LINGO2: variants seen among roughly 807,000 people sequenced by gnomAD.
LINGO2 encodes the protein leucine rich repeat and Ig domain containing 2.
In LINGO2, 14 loss-of-function variants were observed where a neutral mutation model predicts 30.6. That is an observed-to-expected ratio of 0.46 (90% confidence interval 0.30 to 0.72). The LOEUF is 0.72. Ranked by LOEUF, LINGO2 falls within the 30% of genes least tolerant of loss-of-function variation. The probability of loss-of-function intolerance (pLI) is 0.07; values close to 1 mark genes in which losing one functional copy is unlikely to be tolerated. For synonymous variants in LINGO2, 317 were observed against 288.5 expected, an observed-to-expected ratio of 1.10 and a Z score of -1.00; for missense variants, 729 against 751.7, an observed-to-expected ratio of 0.97 and a Z score of 0.35.
At chr9:28,558,742 A>T (rs919100232) in intron 1 of LINGO2, among the ~76,000 whole-genome samples, 12 of 152,194 alleles carry the variant, frequency 7.9e-5, no homozygotes, top group African/African-American at 2.9e-4. Flanking sequence ...AGAAAGAAAG[A>T]AAAAAGCTGA....
At chr9:28,493,878 G>C (rs1357168037) in intron 1 of LINGO2, among the ~76,000 whole-genome samples, 1 of 152,166 alleles carries the variant, frequency 6.6e-6, no homozygotes, top group Non-Finnish European at 1.5e-5. Context: ...AGTGCTGGAA[G>C]CTTCCTGCCA....
chr9:28,539,640 A>G (rs111558711), intron 1 of LINGO2, among the ~76,000 whole-genome samples: 4 of 152,322 alleles, frequency 2.6e-5, no homozygotes, highest in African/African-American at 9.6e-5. Flanking sequence ...ACTCATACCA[A>G]TAACACTGTT....
intron 1 of LINGO2, among the ~76,000 whole-genome samples, chr9:28,532,440 C>CT (rs929288494): frequency 1.6e-4 from 24 of 148,838 alleles, no homozygotes; most frequent in South Asian, 2.1e-4. Flanking sequence ...TCTAAACCGA[C>CT]TTTTTTTTTT....
At chr9:28,467,165 A>G (rs919799449) in intron 2 of LINGO2, among the ~76,000 whole-genome samples, 3 of 151,982 alleles carry the variant, frequency 2.0e-5, no homozygotes, top group African/African-American at 7.3e-5. Context: ...AGCTGGGATT[A>G]CAGGTACCCA....
chr9:28,048,847 T>G (rs938566136), intron 4 of LINGO2, among the ~76,000 whole-genome samples: 1 of 150,708 alleles, frequency 6.6e-6, no homozygotes, highest in Admixed American at 6.7e-5. Flanking sequence ...TATGTAACTA[T>G]ATATATATGT....
In LINGO2 at chr9:28,371,406, T is replaced by C. The variant is rs541004404; in HGVS notation, c.-246+1430A>G. On this transcript the variant is annotated intron_variant, in intron 3 of 5. Transcript: ENST00000379992. Reference sequence around the variant, plus strand: ...TCAAGGTACAGGCAGGAGTACTGTATGTTGAAAGCCTGCTTCCTTAGAGAC... The same window carrying C: ...TCAAGGTACAGGCAGGAGTACTGTACGTTGAAAGCCTGCTTCCTTAGAGAC... Among the ~76,000 whole-genome samples, 4 of 152,310 alleles carry C rather than the reference T, an allele frequency of 2.6e-5. No individual in the cohort carries two copies. The South Asian group carries it at 8.3e-4, about 32-fold the overall frequency.
chr9:28,339,604 C>T (rs1825701306), intron 3 of LINGO2, among the ~76,000 whole-genome samples: 1 of 151,904 alleles, frequency 6.6e-6, no homozygotes, highest in African/African-American at 2.4e-5. Flanking sequence ...TAAATTAGGC[C>T]CACTAAATAG....
chr9:29,138,897 C>A, the LINGO2 span, among the ~76,000 whole-genome samples: 2 of 152,120 alleles, frequency 1.3e-5, no homozygotes, highest in African/African-American at 4.8e-5. Context: ...TATTAATACC[C>A]TTGAATAATC....
chr9:28,907,735 G>C, the LINGO2 span, among the ~76,000 whole-genome samples: 1 of 151,690 alleles, frequency 6.6e-6, no homozygotes, highest in South Asian at 2.1e-4. Context: ...TGAATGTACA[G>C]AAAATGAAGC....
At chr9:28,384,762 C>G (rs949429621) in intron 2 of LINGO2, among the ~76,000 whole-genome samples, 1 of 151,970 alleles carries the variant, frequency 6.6e-6, no homozygotes, top group African/African-American at 2.4e-5. Flanking sequence ...ATTTTCTCAT[C>G]TAGATACTTG....
Position 28,350,388 on chromosome 9 carries a change from C to G in LINGO2, c.-246+22448G>C, listed in dbSNP as rs564112054. On this transcript the variant is annotated intron_variant, in intron 3 of 5. Transcript: ENST00000379992. ...AAACAGACTTTAAAGCAACAAAGAT[C>G]AAAAGAGACAAAGAAGGCCATTACA... Among the ~76,000 whole-genome samples, 288 of 148,666 alleles carry G rather than the reference C, an allele frequency of 1.9e-3. 1 individual carries two copies. Among genetic ancestry groups the G allele is most frequent in the South Asian group, 4.9e-3 (22 of 4,522 alleles).
the LINGO2 span, among the ~76,000 whole-genome samples, chr9:29,111,182 G>T: frequency 6.6e-6 from 1 of 152,020 alleles, no homozygotes; most frequent in South Asian, 2.1e-4. Context: ...TTCAAAAATA[G>T]AATGCATTTA....
At chr9:28,752,485 A>C in the LINGO2 span, among the ~76,000 whole-genome samples, 4 of 152,096 alleles carry the variant, frequency 2.6e-5, no homozygotes, top group African/African-American at 9.7e-5. Flanking sequence ...ATAGGCACAC[A>C]ATCTATGCTA....
chr9:28,944,354 C>CTCTG, the LINGO2 span, among the ~76,000 whole-genome samples: 114,056 of 151,376 alleles, frequency 0.75, 43,066 homozygotes, highest in Non-Finnish European at 0.78. Context: ...ATACCTCTAT[C>CTCTG]TCTGTCTGTC....
At chr9:28,061,231 T>A (rs919204902) in intron 4 of LINGO2, among the ~76,000 whole-genome samples, 15 of 149,856 alleles carry the variant, frequency 1.0e-4, no homozygotes, top group African/African-American at 2.2e-4. Context: ...ATAATCTAAA[T>A]CCTGACTAGT....
At chr9:29,209,589 G>A in the LINGO2 span, among the ~76,000 whole-genome samples, 1 of 152,252 alleles carries the variant, frequency 6.6e-6, no homozygotes, top group Non-Finnish European at 1.5e-5. Flanking sequence ...AGATGGGTAA[G>A]CCTGATACCT....
At chr9:28,848,115 CTA>C in the LINGO2 span, among the ~76,000 whole-genome samples, 1 of 51,014 alleles carries the variant, frequency 2.0e-5, no homozygotes, top group Admixed American at 2.2e-4. Flanking sequence ...TATATACACA[CTA>C]TATATACACT....
the LINGO2 span, chr9:27,942,393 C>T: frequency 2.6e-5 from 4 of 152,230 alleles, no homozygotes; most frequent in East Asian, 7.7e-4. Flanking sequence ...ATTAATACTT[C>T]AGTGAATTTA....
the LINGO2 span, among the ~76,000 whole-genome samples, chr9:28,765,427 T>A: frequency 2.0e-5 from 3 of 152,008 alleles, no homozygotes; most frequent in Admixed American, 1.3e-4. Context: ...ATGTTGGTAT[T>A]TGATCCCCAA....
Sources: allele counts gnomAD v4.1 joint callset (sites outside exome capture counted in the v4.1 genomes callset), GRCh38; gene constraint gnomAD v4.1.1; transcripts MANE v1.5; gene names NCBI Gene and HGNC (gene_info 2026-07-23, HGNC 2026-07-21).